Variants in PTPRN2 observed in about 807,000 individuals in gnomAD.
The protein encoded by PTPRN2 is protein tyrosine phosphatase receptor type N2.
Under a neutral mutation model 118.8 loss-of-function variants are expected in PTPRN2, and 74 were observed. The ratio of observed to expected loss-of-function variants is 0.62; its 90% CI spans 0.52 to 0.76. The LOEUF (loss-of-function observed/expected upper bound fraction) is 0.76, where lower values mean the gene tolerates loss of function less well. Among genes scored for constraint, PTPRN2 ranks in the 30% least tolerant of loss-of-function variants. PTPRN2 has a pLI of 0.00. For synonymous variants in PTPRN2, 641 were observed against 608.0 expected, an observed-to-expected ratio of 1.05 and a Z score of -0.80; for missense variants, 1,481 against 1,394.4, an observed-to-expected ratio of 1.06 and a Z score of -0.99.
chr7:158,463,745 T>C (rs562799806), intron 2 of PTPRN2, among the ~76,000 whole-genome samples: 1 of 151,820 alleles, frequency 6.6e-6, no homozygotes, highest in African/African-American at 2.4e-5. Context: ...TAGTAAACAA[T>C]CACTTCATCA....
intron 3 of PTPRN2, among the ~76,000 whole-genome samples, chr7:158,214,864 C>T (rs1446925789): frequency 6.6e-6 from 1 of 152,174 alleles, no homozygotes; most frequent in African/African-American, 2.4e-5. Context: ...ACCACCACCC[C>T]TTACCCCCAG....
At chr7:157,857,573 G>A (rs55816952) in intron 12 of PTPRN2, 3,269 of 152,370 alleles carry the variant, frequency 0.021, 53 homozygotes, top group South Asian at 0.085. Flanking sequence ...CCCACCAGTG[G>A]CCACCGGGGA....
intron 10 of PTPRN2, among the ~76,000 whole-genome samples, chr7:158,110,232 C>A (rs899752481): frequency 1.3e-5 from 2 of 152,262 alleles, no homozygotes; most frequent in Non-Finnish European, 2.9e-5. Context: ...GCCATCTCTG[C>A]TCCAAGCTTC....
At chr7:158,515,644 A>G (rs542911398) in intron 1 of PTPRN2, among the ~76,000 whole-genome samples, 2 of 152,108 alleles carry the variant, frequency 1.3e-5, no homozygotes, top group Admixed American at 1.3e-4. Flanking sequence ...GCCTTTCTAC[A>G]TCATCTGTTA....
intron 12 of PTPRN2, among the ~76,000 whole-genome samples, chr7:157,725,351 A>ACG (rs2150924702): frequency 3.9e-5 from 2 of 50,770 alleles, no homozygotes; most frequent in African/African-American, 1.9e-4. Context: ...GGATATCTAC[A>ACG]CACAGAGGAG....
At chr7:157,673,820 C>T (rs10270236) in intron 13 of PTPRN2, among the ~76,000 whole-genome samples, 24,847 of 151,944 alleles carry the variant, frequency 0.16, 2,443 homozygotes, top group African/African-American at 0.28. Flanking sequence ...GCCCCATGCC[C>T]GCCCCACCCG....
chr7:157,772,307 A>ACATACACACAGACATACAGG (rs1401778798), intron 12 of PTPRN2, among the ~76,000 whole-genome samples: 5 of 143,866 alleles, frequency 3.5e-5, no homozygotes, highest in Non-Finnish European at 7.4e-5. Flanking sequence ...AGACATACAG[A>ACATACACACAGACATACAGG]CACACATAGA....
At chr7:158,164,369 C>G (rs1822705894) in intron 6 of PTPRN2, among the ~76,000 whole-genome samples, 1 of 35,504 alleles carries the variant, frequency 2.8e-5, no homozygotes, top group Admixed American at 4.6e-4. Flanking sequence ...GCACGCAGAG[C>G]AGGAGGGTGC....
chr7:157,955,421 G>A (rs1315698321), intron 11 of PTPRN2, among the ~76,000 whole-genome samples: 10 of 151,930 alleles, frequency 6.6e-5, no homozygotes, highest in Non-Finnish European at 1.2e-4. Flanking sequence ...CTATTTCTAG[G>A]TCTCATCAGC....
chr7:157,608,558 C>CT (rs1402551121), intron 15 of PTPRN2, among the ~76,000 whole-genome samples: 1 of 152,184 alleles, frequency 6.6e-6, no homozygotes, highest in Non-Finnish European at 1.5e-5. Flanking sequence ...GATTCTCTTA[C>CT]TTTTTATGAG....
At chr7:158,303,045 T>C (rs1450046606) in intron 3 of PTPRN2, among the ~76,000 whole-genome samples, 1 of 152,098 alleles carries the variant, frequency 6.6e-6, no homozygotes, top group Non-Finnish European at 1.5e-5. Flanking sequence ...TTGGAAAATA[T>C]AGCTACTGTG....
intron 2 of PTPRN2, among the ~76,000 whole-genome samples, chr7:158,335,858 T>C (rs796978495): frequency 1.4e-4 from 1 of 7,088 alleles, no homozygotes; most frequent in Admixed American, 8.0e-4. Context: ...AGCTGACACC[T>C]GCAGACGTCA....
At chr7:158,328,209 C>A (rs112937793) in intron 2 of PTPRN2, among the ~76,000 whole-genome samples, 22 of 152,200 alleles carry the variant, frequency 1.4e-4, no homozygotes, top group African/African-American at 5.3e-4. Flanking sequence ...TCCAGGAGGC[C>A]AAAGGTGAAT....
In PTPRN2 at chr7:158,489,801, G is replaced by C; in HGVS notation, c.113-16C>G. On this transcript the variant is annotated splice_polypyrimidine_tract_variant and intron_variant, in intron 1 of 22. Transcript: ENST00000389418. Reference sequence around the variant, plus strand: ...AGCAGGCAGCCTGCGGGGAAACAGAGAAGAGACGCGGTCAGCTGGAGGGGA... The same window carrying C: ...AGCAGGCAGCCTGCGGGGAAACAGACAAGAGACGCGGTCAGCTGGAGGGGA... 6.4e-7 allele frequency: 1 copy of C among 1,565,636 alleles called. No individual in the cohort carries two copies. Among genetic ancestry groups the C allele is most frequent in the East Asian group, 2.4e-5 (1 of 42,318 alleles).
chr7:158,417,124 G>A (rs1022783947), intron 2 of PTPRN2, among the ~76,000 whole-genome samples: 5 of 151,846 alleles, frequency 3.3e-5, no homozygotes, highest in African/African-American at 7.3e-5. Flanking sequence ...TCAAGATGCC[G>A]TAGCTCTCAG....
intron 3 of PTPRN2, among the ~76,000 whole-genome samples, chr7:158,210,096 A>T (rs1827475060): frequency 1.3e-5 from 2 of 151,978 alleles, no homozygotes; most frequent in Non-Finnish European, 2.9e-5. Flanking sequence ...ACATCGAGAA[A>T]AAAGAGAATA....
At chr7:157,981,294 C>T (rs763503630) in intron 11 of PTPRN2, among the ~76,000 whole-genome samples, 16 of 150,852 alleles carry the variant, frequency 1.1e-4, no homozygotes, top group Non-Finnish European at 1.3e-4. Context: ...CTTCCATAGT[C>T]GGTGATGCTA....
intron 12 of PTPRN2, among the ~76,000 whole-genome samples, chr7:157,740,925 G>A (rs1800599888): frequency 6.6e-6 from 1 of 152,124 alleles, no homozygotes; most frequent in Non-Finnish European, 1.5e-5. Flanking sequence ...AAATATTATT[G>A]GAAAACCCAT....
chr7:158,546,476 CCA>C lies in PTPRN2; in HGVS notation c.112+41080_112+41081del, dbSNP rs1826288727. ...AAGGGGCTCATGGCGGAGGCAAGCC[CCA>C]GTGTCCCAGGCGCCATGATGTCTAA... is the stretch of plus-strand genomic sequence containing the variant. On this transcript the variant is annotated intron_variant, in intron 1 of 22. Coordinates refer to ENST00000389418, the MANE Select transcript of PTPRN2 (RefSeq NM_002847.5). The surrounding 1 kb of genome is among the most constrained non-coding windows in gnomAD (Gnocchi z 5.0). 6.6e-6 allele frequency among the ~76,000 whole-genome samples: 1 copy of C among 152,162 alleles called. No individual in the cohort carries two copies. The highest frequency in any genetic ancestry group is 2.1e-4 in the South Asian group (1 of 4,826).
Sources: allele counts gnomAD v4.1 joint callset (sites outside exome capture counted in the v4.1 genomes callset), GRCh38; gene constraint gnomAD v4.1.1; non-coding constraint Gnocchi (gnomAD v3.1); transcripts MANE v1.5; gene names NCBI Gene and HGNC (gene_info 2026-07-23, HGNC 2026-07-21).